The following MPP7 variants were observed in gnomAD, a reference collection of about 807,000 sequenced individuals.
MPP7 encodes MAGUK p55 scaffold protein 7, also known as MAGUK p55 subfamily member 7.
MPP7 carries 60 observed loss-of-function variants against 76.5 expected under a neutral mutation model. The ratio of observed to expected loss-of-function variants is 0.78; its 90% CI spans 0.64 to 0.97. The LOEUF (loss-of-function observed/expected upper bound fraction) is 0.97, where lower values mean the gene tolerates loss of function less well. MPP7 is among the 50% of genes least tolerant of loss of function. MPP7 has a pLI of 0.00. For missense variants in MPP7, 641 were observed against 694.0 expected, an observed-to-expected ratio of 0.92 and a Z score of 0.86; for synonymous variants, 237 against 244.5, an observed-to-expected ratio of 0.97 and a Z score of 0.29.
intron 2 of MPP7, among the ~76,000 whole-genome samples, chr10:28,232,964 C>T (rs938372570): frequency 8.5e-5 from 13 of 152,054 alleles, no homozygotes; most frequent in African/African-American, 3.1e-4. Context: ...TTATATGATG[C>T]TTGTAAAAAT....
chr10:28,142,103 T>C (rs1459493738), intron 5 of MPP7, among the ~76,000 whole-genome samples: 1 of 152,074 alleles, frequency 6.6e-6, no homozygotes, highest in Non-Finnish European at 1.5e-5. Flanking sequence ...TTTCGTAAAC[T>C]CATCATGAAG....
chr10:28,276,634 C>A (rs1427178116), intron 1 of MPP7, among the ~76,000 whole-genome samples: 3 of 152,034 alleles, frequency 2.0e-5, no homozygotes, highest in African/African-American at 7.3e-5. Flanking sequence ...GGAGGCATCA[C>A]ACATGGGTGC....
chr10:28,221,062 C>A (rs1306586762), intron 2 of MPP7, among the ~76,000 whole-genome samples: 1 of 152,066 alleles, frequency 6.6e-6, no homozygotes, highest in Admixed American at 6.5e-5. Context: ...CGGCTGAACT[C>A]CTAAGAAACC....
chr10:28,123,661 C>T (rs1003631717), intron 8 of MPP7, among the ~76,000 whole-genome samples: 4 of 151,510 alleles, frequency 2.6e-5, no homozygotes, highest in East Asian at 3.9e-4. Context: ...TTAGTAGAGA[C>T]GGGTTTCACC....
intron 2 of MPP7, among the ~76,000 whole-genome samples, chr10:28,315,627 A>G (rs780688089): frequency 3.3e-5 from 5 of 152,204 alleles, no homozygotes; most frequent in Non-Finnish European, 7.3e-5. Flanking sequence ...GGTAATATAA[A>G]TTAAAAATAT....
At chr10:28,125,230 G>A in intron 6 of MPP7, 139 bp from the exon 7 acceptor site, 1 of 676,844 alleles carries the variant, frequency 1.5e-6, no homozygotes. Flanking sequence ...AGGAAAAATA[G>A]ACATCATGCC....
At chr10:28,069,731 G>C in intron 13 of MPP7, 41 bp downstream of exon 13, 1 of 1,420,648 alleles carries the variant, frequency 7.0e-7, no homozygotes, top group Non-Finnish European at 9.5e-7. Flanking sequence ...TAAAATTATC[G>C]TAAGTGTAGT....
chr10:28,160,320 A>C (rs546080266), intron 3 of MPP7, among the ~76,000 whole-genome samples: 21 of 152,326 alleles, frequency 1.4e-4, no homozygotes, highest in Non-Finnish European at 2.8e-4. Flanking sequence ...GACAGTAAAG[A>C]GATGTGTACC....
chr10:28,108,552 G>A (rs1047932600), intron 11 of MPP7, among the ~76,000 whole-genome samples: 4 of 152,142 alleles, frequency 2.6e-5, no homozygotes, highest in East Asian at 1.9e-4. Flanking sequence ...AGCTACTTGC[G>A]AGGCTGAGGT....
In MPP7 at chr10:28,259,744, T is replaced by G. The variant is rs1438734145; in HGVS notation, c.-131-21009A>C. 2.6e-5 allele frequency among the ~76,000 whole-genome samples: 4 copies of G among 152,080 alleles called. No individual in the cohort carries two copies. In the South Asian group the frequency reaches 6.2e-4, roughly 24 times the overall value. ...CTGGAATCCCAGTACTTTGGGAGGC[T>G]GAGGTGGGAGAATCGCTTGAGCCCA... On this transcript the variant is annotated intron_variant, in intron 1 of 16. Coordinates refer to ENST00000683449, the MANE Select transcript of MPP7 (RefSeq NM_001318170.2).
At chr10:28,270,010 G>A (rs1840270352) in intron 1 of MPP7, among the ~76,000 whole-genome samples, 2 of 152,166 alleles carry the variant, frequency 1.3e-5, no homozygotes, top group South Asian at 2.1e-4. Context: ...CAACATGGCC[G>A]CAGCCAGTCC....
intron 11 of MPP7, among the ~76,000 whole-genome samples, chr10:28,113,239 G>A (rs1245423804): frequency 6.6e-6 from 1 of 152,116 alleles, no homozygotes; most frequent in African/African-American, 2.4e-5. Flanking sequence ...CCCCAGTGAA[G>A]GCTTTGGTCC....
At chr10:28,079,303 C>T (rs1222826707) in intron 12 of MPP7, among the ~76,000 whole-genome samples, 2 of 151,888 alleles carry the variant, frequency 1.3e-5, no homozygotes, top group Non-Finnish European at 2.9e-5. Context: ...TAAACATGGT[C>T]TCCCCAAATA....
chr10:28,091,020 A>AC (rs1469700495), intron 11 of MPP7, among the ~76,000 whole-genome samples: 1 of 152,014 alleles, frequency 6.6e-6, no homozygotes, highest in Non-Finnish European at 1.5e-5. Flanking sequence ...GGTGGTGCAC[A>AC]CATGTAATCT....
intron 2 of MPP7, among the ~76,000 whole-genome samples, chr10:28,231,901 A>G (rs182264482): frequency 3.3e-4 from 50 of 152,336 alleles, no homozygotes; most frequent in Admixed American, 1.1e-3. Context: ...GAAATTCGGT[A>G]AAGAATGAAA....
At position 28,128,223 on chromosome 10, in the gene MPP7, T is replaced by G. The variant is rs188018896; in HGVS notation, c.448-3132A>C. On this transcript the variant is annotated intron_variant, in intron 6 of 16. Coordinates refer to ENST00000683449, the MANE Select transcript of MPP7 (RefSeq NM_001318170.2). ...GATGGCAAGGGCTAAAGCAATGAAATTAATGAGAGGTTAATCCCTTGTCTG... is the reference window on the plus strand; with the variant it reads ...GATGGCAAGGGCTAAAGCAATGAAAGTAATGAGAGGTTAATCCCTTGTCTG... Among the ~76,000 whole-genome samples the G allele has an allele frequency of 2.8e-3, 423 of 152,280 alleles. 3 individuals are homozygous for G. The highest frequency in any genetic ancestry group is 4.1e-3 in the Non-Finnish European group (280 of 68,022).
At chr10:28,278,642 T>A (rs1011723898) in intron 1 of MPP7, among the ~76,000 whole-genome samples, 8 of 152,134 alleles carry the variant, frequency 5.3e-5, no homozygotes, top group African/African-American at 1.9e-4. Context: ...AATGAACATG[T>A]AACACTGTAT....
At chr10:28,247,155 G>A (rs1839463207) in intron 1 of MPP7, among the ~76,000 whole-genome samples, 1 of 152,024 alleles carries the variant, frequency 6.6e-6, no homozygotes, top group Non-Finnish European at 1.5e-5. Flanking sequence ...ATATTAAGTG[G>A]TTCAACACAA....
At chr10:28,262,327 A>G (rs1840019845) in intron 1 of MPP7, among the ~76,000 whole-genome samples, 1 of 135,008 alleles carries the variant, frequency 7.4e-6, no homozygotes, top group South Asian at 2.3e-4. Flanking sequence ...CGCTCTCCTG[A>G]CCTTGTGATC....
Sources: gnomAD v4.1 joint callset for allele counts (sites outside exome capture counted in the v4.1 genomes callset) on GRCh38, gnomAD v4.1.1 for gene constraint, MANE v1.5 for transcripts, NCBI Gene and HGNC (gene_info 2026-07-23, HGNC 2026-07-21) for gene names.